Variants in PAH observed in about 807,000 individuals in gnomAD.
PAH encodes phenylalanine hydroxylase, also known as phenylalanine-4-hydroxylase.
PAH carries 64 observed loss-of-function variants against 62.0 expected under a neutral mutation model. The ratio of observed to expected loss-of-function variants is 1.03; its 90% CI spans 0.84 to 1.27. The LOEUF (loss-of-function observed/expected upper bound fraction) is 1.27, where lower values mean the gene tolerates loss of function less well. PAH is among the 50% of genes most tolerant of loss of function. The pLI is 0.00. For missense variants in PAH, 579 were observed against 542.8 expected, an observed-to-expected ratio of 1.07 and a Z score of -0.66; for synonymous variants, 195 against 196.2, an observed-to-expected ratio of 0.99 and a Z score of 0.05.
intron 1 of PAH, among the ~76,000 whole-genome samples, chr12:102,930,346 G>A (rs933835029): frequency 6.6e-6 from 1 of 151,266 alleles, no homozygotes; most frequent in African/African-American, 2.4e-5. Context: ...CTAGAAATGA[G>A]TTTGTCTGGT....
intron 1 of PAH, among the ~76,000 whole-genome samples, chr12:102,943,255 A>C (rs1425225967): frequency 6.6e-6 from 1 of 152,132 alleles, no homozygotes; most frequent in Non-Finnish European, 1.5e-5. Flanking sequence ...AAAAATGAGC[A>C]AAGGACATGA....
intron 5 of PAH, among the ~76,000 whole-genome samples, chr12:102,860,509 A>C (rs1875667972): frequency 6.6e-6 from 1 of 151,100 alleles, no homozygotes; most frequent in Non-Finnish European, 1.5e-5. Flanking sequence ...GGAACCAAAA[A>C]TAGCCCGCAT....
intron 5 of PAH, among the ~76,000 whole-genome samples, chr12:102,857,806 C>A (rs1015713183): frequency 3.9e-5 from 6 of 152,242 alleles, no homozygotes; most frequent in African/African-American, 9.6e-5. Flanking sequence ...GCCTGCCCTA[C>A]AAGAGCTCCT....
intron 4 of PAH, among the ~76,000 whole-genome samples, chr12:102,870,209 C>A (rs936209842): frequency 4.6e-5 from 7 of 152,156 alleles, no homozygotes; most frequent in Admixed American, 2.6e-4. Flanking sequence ...TTCTTGTAGA[C>A]TGAGATATTT....
At chr12:102,862,515 T>C (rs971098643) in intron 5 of PAH, among the ~76,000 whole-genome samples, 1 of 152,128 alleles carries the variant, frequency 6.6e-6, no homozygotes, top group Non-Finnish European at 1.5e-5. Flanking sequence ...TTTACCTATA[T>C]GTAAATACCT....
At chr12:102,913,401 T>G (rs1477437227) in intron 1 of PAH, among the ~76,000 whole-genome samples, 1 of 152,186 alleles carries the variant, frequency 6.6e-6, no homozygotes, top group Non-Finnish European at 1.5e-5. Context: ...TGCACAGGCT[T>G]TTGAATCGTA....
At chr12:102,930,250 C>G (rs1239264177) in intron 1 of PAH, among the ~76,000 whole-genome samples, 2 of 152,148 alleles carry the variant, frequency 1.3e-5, no homozygotes, top group African/African-American at 2.4e-5. Context: ...TACTCAGAGA[C>G]AGCAGAGGCA....
chr12:102,903,942 C>G (rs1877870035), intron 2 of PAH, among the ~76,000 whole-genome samples: 1 of 152,130 alleles, frequency 6.6e-6, no homozygotes, highest in Non-Finnish European at 1.5e-5. Context: ...AGTAAAGACT[C>G]TCAGGAGAGT....
intron 3 of PAH, among the ~76,000 whole-genome samples, chr12:102,889,441 AG>A (rs1877180686): frequency 6.7e-6 from 1 of 148,528 alleles, no homozygotes; most frequent in African/African-American, 2.5e-5. Flanking sequence ...ATAGATAGAT[AG>A]ATAGATAGAT....
intron 2 of PAH, among the ~76,000 whole-genome samples, chr12:102,900,421 T>G (rs78373306): frequency 0.14 from 21,407 of 152,042 alleles, 1,598 homozygotes; most frequent in African/African-American, 0.17. Context: ...TTGGGGTAAA[T>G]ACTTATAATA....
At chr12:102,843,538 A>C (rs1874676977) in intron 11 of PAH, 108 bp downstream of exon 11, 2 of 1,074,010 alleles carry the variant, frequency 1.9e-6, no homozygotes, top group African/African-American at 3.1e-5. Flanking sequence ...CTATGGTACA[A>C]AGTTGCTGTA....
At chr12:102,848,007 T>C (rs540323729) in intron 8 of PAH, among the ~76,000 whole-genome samples, 1 of 152,286 alleles carries the variant, frequency 6.6e-6, no homozygotes, top group East Asian at 1.9e-4. Flanking sequence ...CCAGATCATG[T>C]AGAATATTTT....
chr12:102,897,740 C>T (rs527836599), intron 2 of PAH, among the ~76,000 whole-genome samples: 1 of 152,188 alleles, frequency 6.6e-6, no homozygotes. Flanking sequence ...TCCTTGGACT[C>T]CTCTGGATTA....
chr12:102,852,718 G>A (rs779721174), intron 7 of PAH, 97 bp downstream of exon 7: 18 of 1,479,430 alleles, frequency 1.2e-5, no homozygotes, highest in Non-Finnish European at 1.6e-5. Flanking sequence ...AACTAGTCCT[G>A]TGGACCAGCC....
rs936213897 is a variant in PAH at position 102,912,871 on chromosome 12, T to G, written c.88A>C (p.Asn30His). ...ATCAGTGATATGGCACCATTTTGAT[T>G]GCAGTTGTCTTCAATATAGCTTGTT... is the stretch of plus-strand genomic sequence containing the variant. The part of the protein sequence containing the change: ...QETSYIEDNC[N>H]QNGAISLIFS... Residue 30 changes from asparagine (N) to histidine (H), a missense_variant, in exon 2 of 13, where the codon AAT becomes CAT. Transcript: ENST00000553106. 5.6e-6 allele frequency: 9 copies of G among 1,613,232 alleles called. No homozygotes were observed. Among genetic ancestry groups the G allele is most frequent in the Non-Finnish European group, 7.6e-6 (9 of 1,179,196 alleles).
chr12:102,867,063 C>T (rs369377099), intron 4 of PAH, among the ~76,000 whole-genome samples: 67 of 152,188 alleles, frequency 4.4e-4, no homozygotes, highest in African/African-American at 1.3e-3. Flanking sequence ...TCTTGATAGA[C>T]GAGCAGGCAC....
chr12:102,923,784 A>G (rs958634618), intron 1 of PAH, among the ~76,000 whole-genome samples: 1 of 152,190 alleles, frequency 6.6e-6, no homozygotes, highest in Non-Finnish European at 1.5e-5. Context: ...AGGTTTTTCA[A>G]CATGGTCTCA....
intron 5 of PAH, among the ~76,000 whole-genome samples, chr12:102,860,315 C>G (rs1180069678): frequency 6.6e-6 from 1 of 152,200 alleles, no homozygotes; most frequent in Non-Finnish European, 1.5e-5. Context: ...AGTTGAACCA[C>G]TGTTCAAAGA....
intron 1 of PAH, among the ~76,000 whole-genome samples, chr12:102,936,260 C>T (rs1457176509): frequency 6.6e-6 from 1 of 152,018 alleles, no homozygotes; most frequent in Non-Finnish European, 1.5e-5. Flanking sequence ...TTAATATAAT[C>T]TCAATTTTTG....
Sources: gnomAD v4.1 joint callset for allele counts (sites outside exome capture counted in the v4.1 genomes callset) on GRCh38, gnomAD v4.1.1 for gene constraint, MANE v1.5 for transcripts, NCBI Gene and HGNC (gene_info 2026-07-23, HGNC 2026-07-21) for gene names.